Variants in TTC12 observed in about 807,000 individuals in gnomAD.
TTC12 encodes the protein tetratricopeptide repeat domain 12, also known as tetratricopeptide repeat protein 12.
TTC12 carries 70 observed loss-of-function variants against 90.1 expected under a neutral mutation model. That is an observed-to-expected ratio of 0.78 (90% CI 0.64 to 0.95). The LOEUF is 0.95. Among genes scored for constraint, TTC12 ranks in the 40% least tolerant of loss-of-function variants. The pLI, the probability that TTC12 is intolerant of heterozygous loss-of-function variation, is 0.00. For synonymous variants in TTC12, 296 were observed against 311.5 expected, an observed-to-expected ratio of 0.95 and a Z score of 0.53; for missense variants, 819 against 846.1, an observed-to-expected ratio of 0.97 and a Z score of 0.40.
chr11:113,352,182 T>C lies in TTC12; in HGVS notation c.1421T>C (p.Phe474Ser), dbSNP rs1555150605. 3 of 1,614,090 alleles carry C rather than the reference T, an allele frequency of 1.9e-6. No individual in the cohort carries two copies. The highest frequency in any genetic ancestry group is 1.3e-5 in the African/African-American group (1 of 74,950). The stretch of plus-strand genomic sequence containing the variant: ...AGACACATGGCGGCCTGTGAGGAAT[T>C]TGGGGATGGCTGCTTGAGCCTCCTG... ...TRRHMAACEE[F>S]GDGCLSLLAR... Residue 474 changes from phenylalanine (F) to serine (S), a missense_variant, in exon 16 of 22, where the codon TTT becomes TCT. Coordinates refer to ENST00000529221, the MANE Select transcript of TTC12 (RefSeq NM_017868.4).
intron 13 of TTC12, among the ~76,000 whole-genome samples, chr11:113,345,505 C>G (rs1948902229): frequency 6.6e-6 from 1 of 152,162 alleles, no homozygotes; most frequent in African/African-American, 2.4e-5. Context: ...CCTTCCAGAT[C>G]TTTTTGGGAC....
chr11:113,321,702 A>G lies in TTC12; in HGVS notation c.59-1586A>G, dbSNP rs79977786. 8.2e-3 allele frequency among the ~76,000 whole-genome samples: 1,255 copies of G among 152,286 alleles called. 11 individuals are homozygous for G. The highest frequency in any genetic ancestry group is 0.028 in the African/African-American group (1,179 of 41,548). The stretch of plus-strand genomic sequence containing the variant: ...TGGCCATGTGTGTTGCTTTGGCCAA[A>G]AGGATGTTTGCAAACATGACACAAG... On this transcript the variant is annotated intron_variant, in intron 2 of 21. Coordinates refer to ENST00000529221, the MANE Select transcript of TTC12 (RefSeq NM_017868.4).
At chr11:113,327,448 G>C (rs1248504378) in intron 6 of TTC12, among the ~76,000 whole-genome samples, 1 of 152,158 alleles carries the variant, frequency 6.6e-6, no homozygotes, top group South Asian at 2.1e-4. Flanking sequence ...TTGCTTGCTA[G>C]AGAGAAAACC....
chr11:113,359,455 C>G lies in TTC12; in HGVS notation c.1539C>G (p.Val513=), dbSNP rs1198535769. 6.2e-7 allele frequency: 1 copy of G among 1,610,666 alleles called. No homozygotes were observed. The highest frequency in any genetic ancestry group is 1.3e-5 in the African/African-American group (1 of 74,826). ...ACCTGTGTCTTCAGGCTCCCTTTGTCTCTGAGGTATGGCATTCTTGTCTCC... is the reference window on the plus strand; with the variant it reads ...ACCTGTGTCTTCAGGCTCCCTTTGTGTCTGAGGTATGGCATTCTTGTCTCC... ...MMNLCLQAPF[V]SEVWAVEVSR... Residue 513 remains valine (V), a synonymous_variant, in exon 17 of 22, where the codon GTC becomes GTG. Transcript: ENST00000529221.
At chr11:113,366,185 T>C in intron 21 of TTC12, 40 bp from the exon 22 acceptor site, 2 of 1,608,062 alleles carry the variant, frequency 1.2e-6, no homozygotes. Context: ...GCCTGAACCG[T>C]GGCACTTATG....
chr11:113,321,093 A>T (rs1395380340), intron 2 of TTC12, among the ~76,000 whole-genome samples: 1 of 152,206 alleles, frequency 6.6e-6, no homozygotes, highest in Non-Finnish European at 1.5e-5. Context: ...TTGGCCAAGG[A>T]TAGGAGTAGG....
intron 11 of TTC12, among the ~76,000 whole-genome samples, chr11:113,341,458 G>C (rs1948677427): frequency 6.6e-6 from 1 of 152,228 alleles, no homozygotes; most frequent in African/African-American, 2.4e-5. Context: ...CTGTATGGTA[G>C]GATGCAGTTT....
At chr11:113,358,375 A>G (rs552564301) in intron 16 of TTC12, among the ~76,000 whole-genome samples, 4 of 152,106 alleles carry the variant, frequency 2.6e-5, no homozygotes, top group African/African-American at 9.6e-5. Context: ...GTGCATGGTG[A>G]TGGGGTACTC....
chr11:113,351,378 A>G, intron 15 of TTC12, 79 bp downstream of exon 15: 2 of 1,131,942 alleles, frequency 1.8e-6, no homozygotes, highest in African/African-American at 1.5e-5. Context: ...ACAATTTACA[A>G]TCCAGAACAA....
intron 7 of TTC12, among the ~76,000 whole-genome samples, chr11:113,330,758 G>C (rs571146637): frequency 6.6e-6 from 1 of 152,262 alleles, no homozygotes; most frequent in Admixed American, 6.5e-5. Flanking sequence ...GAAGCAGAAA[G>C]CATGAAATTT....
chr11:113,353,418 G>T (rs1235260389), intron 16 of TTC12, among the ~76,000 whole-genome samples: 1 of 152,108 alleles, frequency 6.6e-6, no homozygotes, highest in Non-Finnish European at 1.5e-5. Context: ...TCTATAGGTT[G>T]TCTGTTCACT....
Position 113,316,253 on chromosome 11 carries a change from T to G in TTC12, c.-5T>G, listed in dbSNP as rs554432414. 3 of 1,453,282 alleles carry G rather than the reference T, an allele frequency of 2.1e-6. No individual in the cohort carries two copies. In the Admixed American group the frequency reaches 7.1e-5, roughly 34 times the overall value. The allele number at this position is 1,453,282 out of a possible 1,614,324, so 90.0% of individuals were successfully genotyped here. ...TGCTGCATCCCTTAGGGATTCCGGT[T>G]CACAATGGATGCTGATAAAGAGAAA... On this transcript the variant is annotated 5_prime_UTR_variant, in exon 2 of 22. Transcript: ENST00000529221.
chr11:113,317,047 A>G (rs575215643), intron 2 of TTC12, among the ~76,000 whole-genome samples: 2 of 152,348 alleles, frequency 1.3e-5, no homozygotes, highest in South Asian at 2.1e-4. Flanking sequence ...CTTGGGTGAC[A>G]TCGTAAATGA....
At chr11:113,351,190 A>G (rs372339122) in intron 14 of TTC12, 49 bp from the exon 15 acceptor site, 369 of 1,538,046 alleles carry the variant, frequency 2.4e-4, no homozygotes, top group Non-Finnish European at 3.2e-4. Flanking sequence ...TATTTATGTT[A>G]TAGTTTATGC....
rs779336395 is a variant in TTC12, at chr11:113,364,860, C to T, written c.1842C>T (p.Leu614=). ...DKKLSVMMKL[L]SSEDEVLVGN... is the part of the protein sequence containing the mutation. ...AGTTGAGCGTTATGATGAAGCTGCT[C>T]AGCTCGGAGGATGAGGTTCTGGTGG... Residue 614 remains leucine, a synonymous_variant, in exon 21 of 22, where the codon CTC becomes CTT. Coordinates refer to ENST00000529221, the MANE Select transcript of TTC12 (RefSeq NM_017868.4). 19 of 1,614,064 alleles carry T rather than the reference C, an allele frequency of 1.2e-5. No homozygotes were observed. Among genetic ancestry groups the T allele is most frequent in the South Asian group, 9.9e-5 (9 of 91,082 alleles).
At chr11:113,350,290 C>CT in intron 14 of TTC12, 125 bp downstream of exon 14, 2 of 725,872 alleles carry the variant, frequency 2.8e-6, no homozygotes, top group East Asian at 2.8e-5. Context: ...GCAAGATTCA[C>CT]TGAGTAGGAG....
chr11:113,355,945 T>C (rs1949609558), intron 16 of TTC12, among the ~76,000 whole-genome samples: 1 of 152,240 alleles, frequency 6.6e-6, no homozygotes, highest in African/African-American at 2.4e-5. Flanking sequence ...AATCTGTGTA[T>C]GTACATCAGG....
At chr11:113,362,372 T>C in intron 18 of TTC12, 29 bp from the exon 19 acceptor site, 1 of 1,538,296 alleles carries the variant, frequency 6.5e-7, no homozygotes, top group Non-Finnish European at 9.0e-7. Flanking sequence ...GAAAAGGACA[T>C]TTAATTATCC....
intron 13 of TTC12, among the ~76,000 whole-genome samples, chr11:113,347,479 G>A (rs1949033908): frequency 6.6e-6 from 1 of 152,098 alleles, no homozygotes; most frequent in Non-Finnish European, 1.5e-5. Context: ...TCCCCAATTA[G>A]CGAGAGGCTG....
Sources: allele counts gnomAD v4.1 joint callset (sites outside exome capture counted in the v4.1 genomes callset), GRCh38; gene constraint gnomAD v4.1.1; transcripts MANE v1.5; gene names NCBI Gene and HGNC (gene_info 2026-07-23, HGNC 2026-07-21).